TGFB3: variants seen among roughly 807,000 people sequenced by gnomAD.
TGFB3 encodes transforming growth factor beta-3 proprotein.
TGFB3 carries 5 observed loss-of-function variants against 40.1 expected under a neutral mutation model. The observed-to-expected ratio is 0.12, with a 90% CI of 0.07 to 0.26. The LOEUF is 0.26. TGFB3 is among the 10% of genes least tolerant of loss of function. The pLI is 1.00. For synonymous variants in TGFB3, 184 were observed against 205.6 expected (o/e 0.89, Z 0.90); for missense variants, 373 against 530.1 (o/e 0.70, Z 2.91).
At chr14:75,965,954 G>A (rs1483754294) in intron 3 of TGFB3, 1 of 505,770 alleles carries the variant, frequency 2.0e-6, no homozygotes, top group African/African-American at 1.9e-5. Context: ...TCATGAAACA[G>A]AAGTGGAATA....
chr14:75,965,183 A>G (rs1197066781), intron 4 of TGFB3, among the ~76,000 whole-genome samples: 2 of 152,196 alleles, frequency 1.3e-5, no homozygotes, highest in South Asian at 2.1e-4. Flanking sequence ...AGGACAGCCA[A>G]ACTTAATTTC....
Position 75,968,270 on chromosome 14 carries a change from C to T in TGFB3, c.647-2575G>A, listed in dbSNP as rs143720779. The stretch of plus-strand genomic sequence containing the variant: ...GTTGCCTGGTTTGAAGCCATGAACT[C>T]TGAAGAGACTCATGGGCTCTCTGTA... On this transcript the variant is annotated intron_variant, in intron 3 of 6. Coordinates refer to ENST00000238682, the MANE Select transcript of TGFB3 (RefSeq NM_003239.5). Among the ~76,000 whole-genome samples the T allele has an allele frequency of 2.1e-4, 32 of 152,352 alleles. 1 individual carries two copies. The highest frequency in any genetic ancestry group is 7.7e-4 in the African/African-American group (32 of 41,580).
At position 75,978,978 on chromosome 14, in the gene TGFB3, C is replaced by T. The variant is rs1473005429; in HGVS notation, c.352+1564G>A. ...TCTGATGCTTGTGGTCACTATCTCC[C>T]GCGTTGGTGGGTTCCCAGGGAGTTG... On this transcript the variant is annotated intron_variant, in intron 1 of 6. Transcript: ENST00000238682. This position sits in a 1 kb window ranked among gnomAD's most constrained non-coding sequence, Gnocchi z 5.0. 1.3e-5 allele frequency among the ~76,000 whole-genome samples: 2 copies of T among 152,162 alleles called. No homozygotes were observed. The highest frequency in any genetic ancestry group is 1.5e-5 in the Non-Finnish European group (1 of 68,028).
intron 1 of TGFB3, among the ~76,000 whole-genome samples, chr14:75,973,811 AG>A (rs2035321372): frequency 1.3e-5 from 2 of 152,230 alleles, no homozygotes; most frequent in South Asian, 4.1e-4. Context: ...AGAGGAATAA[AG>A]GGTAAGTCAG....
Position 75,981,085 on chromosome 14 carries a change from G to A in TGFB3, c.-192C>T. On this transcript the variant is annotated 5_prime_UTR_variant, in exon 1 of 7. Transcript: ENST00000238682. The surrounding 1 kb of genome is among the most constrained non-coding windows in gnomAD (Gnocchi z 4.7). ...TTCCAGGAAGCGCTGGCAACCCTGA[G>A]GACGAAGAAGCGGACTGTGTGCCTT... 1 of 633,870 alleles carries A rather than the reference G, an allele frequency of 1.6e-6. No homozygotes were observed. Among genetic ancestry groups the A allele is most frequent in the South Asian group, 1.8e-5 (1 of 55,572 alleles). The allele number at this position is 633,870 out of a possible 1,614,324, so 39.3% of individuals were successfully genotyped here. A position where few individuals can be genotyped will look rare whatever the true frequency, so the allele number is the denominator to read the frequency against.
Position 75,958,674 on chromosome 14 carries a change from T to C in TGFB3, c.*513A>G, listed in dbSNP as rs183740022. 22 of 214,460 alleles carry C rather than the reference T, an allele frequency of 1.0e-4. No individual in the cohort carries two copies. Among genetic ancestry groups the C allele is most frequent in the Non-Finnish European group, 9.4e-6 (1 of 106,678 alleles). The allele number at this position is 214,460 out of a possible 1,614,324, so 13.3% of individuals were successfully genotyped here. The stretch of plus-strand genomic sequence containing the variant: ...TAATCCCAGACAGTATGAGATACAA[T>C]TCTGGGACTTTGTCTTCGTAACCTG... On this transcript the variant is annotated 3_prime_UTR_variant, in exon 7 of 7. Transcript: ENST00000238682.
intron 3 of TGFB3, chr14:75,965,986 G>A (rs1227796021): frequency 1.2e-5 from 5 of 424,294 alleles, no homozygotes; most frequent in African/African-American, 8.1e-5. Flanking sequence ...TGAAAGGATG[G>A]TATTAAGAGA....
intron 1 of TGFB3, among the ~76,000 whole-genome samples, chr14:75,975,833 C>T (rs1427748643): frequency 6.6e-6 from 1 of 152,176 alleles, no homozygotes; most frequent in Non-Finnish European, 1.5e-5. Context: ...AGAGTGTCAA[C>T]CTATGCCTCA....
rs904558110 is a variant in TGFB3, at chr14:75,981,024, G to A, written c.-131C>T. The A allele has an allele frequency of 1.3e-5, 11 of 818,152 alleles. No homozygotes were observed. Among genetic ancestry groups the A allele is most frequent in the Non-Finnish European group, 2.1e-5 (10 of 486,994 alleles). 50.7% of individuals were successfully genotyped at this position (818,152 alleles called of 1,614,324 possible). A position where few individuals can be genotyped will look rare whatever the true frequency, so the allele number is the denominator to read the frequency against. On this transcript the variant is annotated 5_prime_UTR_variant, in exon 1 of 7. Coordinates refer to ENST00000238682, the MANE Select transcript of TGFB3 (RefSeq NM_003239.5). This position sits in a 1 kb window ranked among gnomAD's most constrained non-coding sequence, Gnocchi z 4.7. ...CCAAAGACTGAGGCTTGGCAAGAAG[G>A]TGCATGAACTCACTGCACTGCGAGA... is the stretch of plus-strand genomic sequence containing the variant.
At chr14:75,960,752 G>C in intron 6 of TGFB3, 171 bp downstream of exon 6, 1 of 802,288 alleles carries the variant, frequency 1.2e-6, no homozygotes, top group Non-Finnish European at 2.0e-6. Context: ...GGCAGAATGT[G>C]ACTGAGTAGA....
chr14:75,960,087 C>T lies in TGFB3; in HGVS notation c.1081-742G>A, dbSNP rs888005764. On this transcript the variant is annotated intron_variant, in intron 6 of 6. Transcript: ENST00000238682. ...CCTCCCAAGTAGCTGGGATTACAAG[C>T]GCGTGCCACCACACCCGGCTAATTT... 1.3e-4 allele frequency among the ~76,000 whole-genome samples: 19 copies of T among 151,866 alleles called. No homozygotes were observed. The East Asian group carries it at 2.7e-3, about 22-fold the overall frequency.
At chr14:75,967,615 C>A (rs922926101) in intron 3 of TGFB3, among the ~76,000 whole-genome samples, 2 of 152,162 alleles carry the variant, frequency 1.3e-5, no homozygotes, top group Non-Finnish European at 2.9e-5. Flanking sequence ...AGGATGTAAG[C>A]ACAAGAGGGT....
At chr14:75,966,891 G>T (rs2035227798) in intron 3 of TGFB3, among the ~76,000 whole-genome samples, 1 of 152,238 alleles carries the variant, frequency 6.6e-6, no homozygotes, top group Non-Finnish European at 1.5e-5. Flanking sequence ...AATTTGGGAA[G>T]CTCTGTTGAT....
rs1208824257 is a variant in TGFB3, at chr14:75,981,294, G to A, written c.-401C>T. On this transcript the variant is annotated 5_prime_UTR_variant, in exon 1 of 7. Transcript: ENST00000238682. This position sits in a 1 kb window ranked among gnomAD's most constrained non-coding sequence, Gnocchi z 4.7. ...TGGATATCTGATATTGCCAAACGCC[G>A]CTTGGCGATGGGGAGAAAGTGGGTA... is the stretch of plus-strand genomic sequence containing the variant. 3 of 242,568 alleles carry A rather than the reference G, an allele frequency of 1.2e-5. No homozygotes were observed. Among genetic ancestry groups the A allele is most frequent in the South Asian group, 5.9e-5 (1 of 16,860 alleles). 15.0% of individuals were successfully genotyped at this position (242,568 alleles called of 1,614,324 possible).
chr14:75,963,219 G>A, intron 5 of TGFB3, 97 bp downstream of exon 5: 1 of 1,350,730 alleles, frequency 7.4e-7, no homozygotes, highest in East Asian at 2.3e-5. Context: ...TAGCATCAGG[G>A]ACCCTCTGTT....
intron 5 of TGFB3, 171 bp downstream of exon 5, chr14:75,963,145 A>C: frequency 7.6e-6 from 6 of 788,184 alleles, no homozygotes; most frequent in South Asian, 1.5e-5. Flanking sequence ...GAAAACAGAA[A>C]GAGATTTCAC....
intron 3 of TGFB3, 174 bp from the exon 4 acceptor site, chr14:75,965,869 C>A (rs2035215365): frequency 4.6e-6 from 3 of 650,994 alleles, no homozygotes; most frequent in African/African-American, 3.6e-5. Flanking sequence ...AGTGGACCTT[C>A]AAGCGCACGT....
chr14:75,976,634 C>T (rs2035356730), intron 1 of TGFB3, among the ~76,000 whole-genome samples: 1 of 152,136 alleles, frequency 6.6e-6, no homozygotes, highest in South Asian at 2.1e-4. Flanking sequence ...TCAAGCTGGA[C>T]CCACAGTCCT....
upstream of TGFB3, among the ~76,000 whole-genome samples, chr14:75,982,435 C>T (rs1042988149): frequency 6.6e-6 from 1 of 152,214 alleles, no homozygotes; most frequent in Non-Finnish European, 1.5e-5. The surrounding 1 kb of genome is among the most constrained non-coding windows in gnomAD (Gnocchi z 4.0). Flanking sequence ...CCATGCCAGC[C>T]TCGCAGAGGG....
Sources: gnomAD v4.1 joint callset for allele counts (sites outside exome capture counted in the v4.1 genomes callset) on GRCh38, gnomAD v4.1.1 for gene constraint, Gnocchi (gnomAD v3.1) non-coding constraint, MANE v1.5 for transcripts, NCBI Gene and HGNC (gene_info 2026-07-23, HGNC 2026-07-21) for gene names.